DLGAP2: variants seen among roughly 807,000 people sequenced by gnomAD.
DLGAP2 encodes DLG associated protein 2.
Under a neutral mutation model 100.3 loss-of-function variants are expected in DLGAP2, and 26 were observed. That is an observed-to-expected ratio of 0.26 (90% CI 0.19 to 0.36). DLGAP2 has a LOEUF of 0.36. Ranked by LOEUF, DLGAP2 falls within the 10% of genes least tolerant of loss-of-function variation. The pLI, the probability that DLGAP2 is intolerant of heterozygous loss-of-function variation, is 1.00. For synonymous variants in DLGAP2, 886 were observed against 630.1 expected (o/e 1.41, Z -6.08); for missense variants, 1,858 against 1,453.2 (o/e 1.28, Z -4.53).
Position 1,009,727 on chromosome 8 carries a change from G to A in DLGAP2, c.73+101761G>A, listed in dbSNP as rs148286594. Among the ~76,000 whole-genome samples the A allele has an allele frequency of 6.3e-3, 953 of 152,350 alleles. 7 individuals carry two copies. Among genetic ancestry groups the A allele is most frequent in the Non-Finnish European group, 9.4e-3 (638 of 68,040 alleles). Reference sequence around the variant, plus strand: ...GGAACCTTTTCCTTTCACCTGCTGCGTGTGTAGAGTGGGCCACCTCTCATT... The same window carrying A: ...GGAACCTTTTCCTTTCACCTGCTGCATGTGTAGAGTGGGCCACCTCTCATT... On this transcript the variant is annotated intron_variant, in intron 2 of 14. Coordinates refer to ENST00000637795, the MANE Select transcript of DLGAP2 (RefSeq NM_001346810.2).
At chr8:967,816 CTATATATATATATATATATA>C (rs1175736398) in intron 2 of DLGAP2, among the ~76,000 whole-genome samples, 3 of 2,580 alleles carry the variant, frequency 1.2e-3, no homozygotes, top group Admixed American at 6.3e-3. Flanking sequence ...TTGAACACCA[CTATATATATATATATATATA>C]TATATATATA....
Position 778,949 on chromosome 8 carries a change from A to G in DLGAP2, c.18+41124A>G, listed in dbSNP as rs370376837. Among the ~76,000 whole-genome samples, 166 of 152,164 alleles carry G rather than the reference A, an allele frequency of 1.1e-3. 1 individual carries two copies. The highest frequency in any genetic ancestry group is 3.8e-3 in the African/African-American group (158 of 41,504). ...GCGCCCCTCCCCCAGCCTCGCTGCC[A>G]CCTTGCAGTTTGATCTCAGACTGCT... On this transcript the variant is annotated intron_variant, in intron 1 of 14. Coordinates refer to ENST00000637795, the MANE Select transcript of DLGAP2 (RefSeq NM_001346810.2).
At chr8:1,307,284 T>G (rs1378347496) in intron 3 of DLGAP2, among the ~76,000 whole-genome samples, 2 of 152,170 alleles carry the variant, frequency 1.3e-5, no homozygotes, top group Non-Finnish European at 2.9e-5. Flanking sequence ...CATTAATTAT[T>G]AAGGGAATAC....
chr8:1,029,241 G>C (rs1801904511), intron 2 of DLGAP2, among the ~76,000 whole-genome samples: 1 of 152,174 alleles, frequency 6.6e-6, no homozygotes, highest in Non-Finnish European at 1.5e-5. Context: ...GATTCTTCCA[G>C]ATTTGGATGT....
intron 1 of DLGAP2, among the ~76,000 whole-genome samples, chr8:744,120 C>G (rs530778926): frequency 1.4e-4 from 21 of 152,316 alleles, no homozygotes; most frequent in African/African-American, 4.8e-4. Context: ...CATCGTGGTT[C>G]TCTCAGACCC....
chr8:1,080,971 A>G (rs1451001381), intron 2 of DLGAP2, among the ~76,000 whole-genome samples: 1 of 152,224 alleles, frequency 6.6e-6, no homozygotes, highest in Non-Finnish European at 1.5e-5. Context: ...ATAGTTTAAC[A>G]ATACAAAATT....
At chr8:838,749 T>C (rs762765226) in intron 1 of DLGAP2, among the ~76,000 whole-genome samples, 15 of 152,182 alleles carry the variant, frequency 9.9e-5, no homozygotes, top group African/African-American at 1.4e-4. Flanking sequence ...TGAAGAACTT[T>C]CTTTAATGAG....
At chr8:1,545,543 C>T (rs563344019) in intron 4 of DLGAP2, among the ~76,000 whole-genome samples, 12 of 152,278 alleles carry the variant, frequency 7.9e-5, no homozygotes, top group African/African-American at 2.9e-4. Flanking sequence ...GTGTTTGCTA[C>T]CTCATTTTCA....
intron 8 of DLGAP2, among the ~76,000 whole-genome samples, chr8:1,653,427 C>T (rs1209314565): frequency 1.3e-5 from 2 of 152,244 alleles, no homozygotes; most frequent in East Asian, 1.9e-4. Context: ...CACACCCTCA[C>T]TGCTCTCAAG....
At chr8:1,313,721 A>C (rs916074444) in intron 3 of DLGAP2, among the ~76,000 whole-genome samples, 5 of 152,214 alleles carry the variant, frequency 3.3e-5, no homozygotes, top group African/African-American at 1.2e-4. Flanking sequence ...GGTTTCAGTC[A>C]CAGACTGGAA....
At chr8:1,539,220 A>G (rs1801267391) in intron 4 of DLGAP2, among the ~76,000 whole-genome samples, 1 of 152,190 alleles carries the variant, frequency 6.6e-6, no homozygotes, top group African/African-American at 2.4e-5. Flanking sequence ...TTTCATAACT[A>G]ACAGCATGTC....
chr8:1,202,241 A>AGTGTGTGT (rs36230610), intron 2 of DLGAP2, among the ~76,000 whole-genome samples: 2 of 149,164 alleles, frequency 1.3e-5, no homozygotes, highest in Non-Finnish European at 3.0e-5. Flanking sequence ...GTATAGATGC[A>AGTGTGTGT]GTGTGTGTGT....
intron 2 of DLGAP2, among the ~76,000 whole-genome samples, chr8:1,147,388 ACT>A (rs754835894): frequency 6.6e-5 from 10 of 151,802 alleles, no homozygotes; most frequent in African/African-American, 2.2e-4. Context: ...GTATTATTTA[ACT>A]CTATTTTTTC....
chr8:813,540 A>G (rs12676895), intron 1 of DLGAP2, among the ~76,000 whole-genome samples: 37,699 of 152,052 alleles, frequency 0.25, 5,133 homozygotes, highest in Admixed American at 0.42. Flanking sequence ...CTTCAAACCT[A>G]TTCTTTTATT....
chr8:1,157,165 C>G (rs1161239381), intron 2 of DLGAP2, among the ~76,000 whole-genome samples: 1 of 152,124 alleles, frequency 6.6e-6, no homozygotes, highest in African/African-American at 2.4e-5. Flanking sequence ...GGGAAAAGTT[C>G]TCTCTCTTTA....
At chr8:1,031,205 A>G (rs933905973) in intron 2 of DLGAP2, among the ~76,000 whole-genome samples, 4 of 151,980 alleles carry the variant, frequency 2.6e-5, no homozygotes, top group African/African-American at 9.7e-5. Flanking sequence ...AGTGTCCTTT[A>G]TGGAAGAATC....
intron 3 of DLGAP2, among the ~76,000 whole-genome samples, chr8:1,280,238 A>T (rs4073503): frequency 0.14 from 21,527 of 152,088 alleles, 1,888 homozygotes; most frequent in South Asian, 0.25. Flanking sequence ...ATCAAATCTC[A>T]TGAGTCCTGC....
rs192606074 is a variant in DLGAP2, at chr8:1,178,339, C to T, written c.74-80512C>T. Among the ~76,000 whole-genome samples, 84 of 152,116 alleles carry T rather than the reference C, an allele frequency of 5.5e-4. 2 individuals are homozygous for T. The East Asian group carries it at 6.8e-3, about 12-fold the overall frequency. On this transcript the variant is annotated intron_variant, in intron 2 of 14. Coordinates refer to ENST00000637795, the MANE Select transcript of DLGAP2 (RefSeq NM_001346810.2). ...GCGCTTGGAGAGAGTGTCTGCTGGCCGGGGTTGCGGAGGGGCGGCAGCAGT... is the reference window on the plus strand; with the variant it reads ...GCGCTTGGAGAGAGTGTCTGCTGGCTGGGGTTGCGGAGGGGCGGCAGCAGT...
At chr8:946,394 T>G (rs1445915584) in intron 2 of DLGAP2, among the ~76,000 whole-genome samples, 1 of 151,816 alleles carries the variant, frequency 6.6e-6, no homozygotes, top group South Asian at 2.1e-4. Flanking sequence ...CTCCCGAGTG[T>G]CTGGGACTAC....
Sources: gnomAD v4.1 joint callset for allele counts (sites outside exome capture counted in the v4.1 genomes callset) on GRCh38, gnomAD v4.1.1 for gene constraint, MANE v1.5 for transcripts, NCBI Gene and HGNC (gene_info 2026-07-23, HGNC 2026-07-21) for gene names.